Variants in ARK2N observed in about 807,000 individuals in gnomAD.
ARK2N encodes the protein arkadia (RNF111) N-terminal like PKA signaling regulator 2N, also known as protein ARK2N.
chr18:46,192,291 T>TG, the ARK2N span, among the ~76,000 whole-genome samples: 1 of 152,090 alleles, frequency 6.6e-6, no homozygotes, highest in African/African-American at 2.4e-5. Flanking sequence ...ATGTGGACTC[T>TG]GGCTGGGTGA....
the ARK2N span, among the ~76,000 whole-genome samples, chr18:46,192,555 G>A: frequency 7.3e-5 from 11 of 150,786 alleles, no homozygotes; most frequent in African/African-American, 2.2e-4. Context: ...CCAGCCTGGC[G>A]ACAGAGCAAG....
At chr18:46,216,502 G>A in the ARK2N span, 5 of 1,614,062 alleles carry the variant, frequency 3.1e-6, no homozygotes, top group Non-Finnish European at 4.2e-6. This position sits in a 1 kb window ranked among gnomAD's most constrained non-coding sequence, Gnocchi z 4.3. Context: ...TAGTACCAGT[G>A]ATAGTGACCT....
At chr18:46,194,649 TA>T in the ARK2N span, among the ~76,000 whole-genome samples, 1 of 150,060 alleles carries the variant, frequency 6.7e-6, no homozygotes, top group Non-Finnish European at 1.5e-5. Flanking sequence ...AATTTTTTTT[TA>T]TTTTTAGTAG....
At chr18:46,174,063 T>C in the ARK2N span, 2 of 152,136 alleles carry the variant, frequency 1.3e-5, no homozygotes, top group Non-Finnish European at 2.9e-5. Flanking sequence ...CGGCCTCTGG[T>C]GACATTTTCT....
At chr18:46,176,765 G>A in the ARK2N span, among the ~76,000 whole-genome samples, 1 of 152,068 alleles carries the variant, frequency 6.6e-6, no homozygotes, top group Non-Finnish European at 1.5e-5. Context: ...TTACAGGCAT[G>A]TGCCACCACG....
chr18:46,190,649 C>T, the ARK2N span, among the ~76,000 whole-genome samples: 1 of 148,290 alleles, frequency 6.7e-6, no homozygotes, highest in Admixed American at 7.0e-5. Flanking sequence ...TTTCTTGAAA[C>T]TTTTTGAAAA....
At chr18:46,256,711 C>T in the ARK2N span, among the ~76,000 whole-genome samples, 1 of 152,076 alleles carries the variant, frequency 6.6e-6, no homozygotes, top group Non-Finnish European at 1.5e-5. Context: ...TAAAATTGTC[C>T]GTATAATGGA....
the ARK2N span, among the ~76,000 whole-genome samples, chr18:46,179,138 T>G: frequency 6.6e-6 from 1 of 151,886 alleles, no homozygotes; most frequent in African/African-American, 2.4e-5. Context: ...GAGACGAAGT[T>G]TCACCCTGTT....
chr18:46,255,684 C>T, the ARK2N span, among the ~76,000 whole-genome samples: 1 of 151,824 alleles, frequency 6.6e-6, no homozygotes, highest in African/African-American at 2.4e-5. Context: ...CTCCTGACCT[C>T]AGGTGATCCA....
At chr18:46,244,050 T>TATAA in the ARK2N span, among the ~76,000 whole-genome samples, 1 of 152,224 alleles carries the variant, frequency 6.6e-6, no homozygotes. Context: ...CCAGTGTGTT[T>TATAA]ATAAATATTC....
chr18:46,210,794 C>T, the ARK2N span, among the ~76,000 whole-genome samples: 26 of 151,932 alleles, frequency 1.7e-4, no homozygotes, highest in Non-Finnish European at 3.1e-4. Context: ...CCTGTAGTCT[C>T]AGCTACTTGA....
the ARK2N span, among the ~76,000 whole-genome samples, chr18:46,203,301 T>C: frequency 2.0e-5 from 3 of 152,208 alleles, no homozygotes; most frequent in African/African-American, 7.2e-5. Context: ...TGGAATACTT[T>C]GCAGTGATGA....
chr18:46,247,819 G>A, the ARK2N span, among the ~76,000 whole-genome samples: 4 of 152,188 alleles, frequency 2.6e-5, no homozygotes, highest in East Asian at 5.8e-4. Context: ...CTACAGGGGC[G>A]TACCACCATA....
the ARK2N span, among the ~76,000 whole-genome samples, chr18:46,195,665 C>T: frequency 6.9e-6 from 1 of 144,398 alleles, no homozygotes; most frequent in Non-Finnish European, 1.5e-5. Context: ...CAGCCTCCGC[C>T]TCCTGAGTTC....
the ARK2N span, among the ~76,000 whole-genome samples, chr18:46,204,087 A>G: frequency 7.9e-5 from 12 of 151,732 alleles, no homozygotes; most frequent in African/African-American, 2.7e-4. Flanking sequence ...TGTGTCTTAT[A>G]GACTTATTTT....
the ARK2N span, among the ~76,000 whole-genome samples, chr18:46,176,449 T>A: frequency 6.6e-6 from 1 of 151,408 alleles, no homozygotes; most frequent in African/African-American, 2.4e-5. Context: ...AAAATGTGTG[T>A]GTGTGTGCTT....
At chr18:46,193,375 C>T in the ARK2N span, among the ~76,000 whole-genome samples, 7 of 151,854 alleles carry the variant, frequency 4.6e-5, no homozygotes, top group Non-Finnish European at 1.0e-4. Context: ...CGGCAACCTC[C>T]ACCTCCAGGG....
the ARK2N span, among the ~76,000 whole-genome samples, chr18:46,191,370 A>G: frequency 6.7e-6 from 1 of 149,366 alleles, no homozygotes. Flanking sequence ...TTTGGTAGAG[A>G]TGGGGTCTCT....
the ARK2N span, among the ~76,000 whole-genome samples, chr18:46,177,418 CT>C: frequency 2.3e-5 from 3 of 128,290 alleles, no homozygotes; most frequent in East Asian, 2.3e-4. Flanking sequence ...TTTGTTCTTT[CT>C]TTTTTTCTTT....
Sources: gnomAD v4.1 joint callset for allele counts (sites outside exome capture counted in the v4.1 genomes callset) on GRCh38, gnomAD v4.1.1 for gene constraint, Gnocchi (gnomAD v3.1) non-coding constraint, MANE v1.5 for transcripts, NCBI Gene and HGNC (gene_info 2026-07-23, HGNC 2026-07-21) for gene names.